The following E2F5 variants were observed in gnomAD, a reference collection of about 807,000 sequenced individuals.
The protein encoded by E2F5 is transcription factor E2F5.
E2F5 carries 23 observed loss-of-function variants against 39.1 expected under a neutral mutation model. The observed-to-expected ratio is 0.59, with a 90% CI of 0.42 to 0.83. The LOEUF is 0.83. Among genes scored for constraint, E2F5 ranks in the 40% least tolerant of loss-of-function variants. The pLI is 0.00. For missense variants in E2F5, 365 were observed against 406.7 expected, an observed-to-expected ratio of 0.90 and a Z score of 0.88; for synonymous variants, 145 against 157.8, an observed-to-expected ratio of 0.92 and a Z score of 0.61.
intron 1 of E2F5, among the ~76,000 whole-genome samples, chr8:85,180,902 G>A (rs567858725): frequency 2.0e-5 from 3 of 151,554 alleles, no homozygotes; most frequent in Admixed American, 1.3e-4. Flanking sequence ...TTTTGAGACA[G>A]GGTCTTATTC....
At chr8:85,193,069 A>C (rs1587488558) in intron 1 of E2F5, among the ~76,000 whole-genome samples, 1 of 152,242 alleles carries the variant, frequency 6.6e-6, no homozygotes, top group Non-Finnish European at 1.5e-5. Flanking sequence ...GGATACATAC[A>C]TGTATACATA....
chr8:85,206,453 G>T (rs1812805060), intron 4 of E2F5, among the ~76,000 whole-genome samples: 1 of 152,186 alleles, frequency 6.6e-6, no homozygotes, highest in African/African-American at 2.4e-5. Context: ...ACTGTGTGTG[G>T]AAGGGGAAGG....
rs755978456 is a variant in E2F5, at chr8:85,203,244, C to T, written c.495C>T (p.Ser165=). The change falls in exon 3 of 8, where the codon TCC becomes TCT. Residue 165 remains serine, a synonymous_variant. Transcript: ENST00000416274. ...GCATCAAAAATGTGATGGACGATTCCATTAATAATAGATATCCTTTTAAAT... is the reference window on the plus strand; with the variant it reads ...GCATCAAAAATGTGATGGACGATTCTATTAATAATAGATATCCTTTTAAAT... ...QQSIKNVMDD[S]INNRFSYVTH... is the part of the protein sequence containing the mutation. The T allele has an allele frequency of 9.2e-5, 146 of 1,592,626 alleles. No homozygotes were observed. In the Admixed American group the frequency reaches 2.5e-3, roughly 28 times the overall value.
chr8:85,180,703 G>T (rs1220864258), intron 1 of E2F5, among the ~76,000 whole-genome samples: 4 of 136,384 alleles, frequency 2.9e-5, no homozygotes, highest in Non-Finnish European at 6.2e-5. Context: ...TCAGCCTCCC[G>T]AGTAGCTGGG....
chr8:85,201,317 T>C (rs1472862589), intron 1 of E2F5, among the ~76,000 whole-genome samples: 1 of 152,202 alleles, frequency 6.6e-6, no homozygotes, highest in African/African-American at 2.4e-5. Context: ...GACACAAATA[T>C]TTGTAACTAC....
Position 85,203,212 on chromosome 8 carries a change from C to G in E2F5, c.463C>G (p.Gln155Glu). The G allele has an allele frequency of 6.2e-7, 1 of 1,602,624 alleles. No individual in the cohort carries two copies. Among genetic ancestry groups the G allele is most frequent in the Non-Finnish European group, 8.5e-7 (1 of 1,174,478 alleles). ...ACTTGATCAGCAGAAGTTGTGGCTACAGCAAAGCATCAAAAATGTGATGGA... is the reference window on the plus strand; with the variant it reads ...ACTTGATCAGCAGAAGTTGTGGCTAGAGCAAAGCATCAAAAATGTGATGGA... Reference protein sequence around the residue: ...RELDQQKLWLQQSIKNVMDDS... With the variant: ...RELDQQKLWLEQSIKNVMDDS... The change falls in exon 3 of 8, where the codon CAG becomes GAG. Residue 155 changes from glutamine (Q) to glutamate (E), a missense_variant. By Grantham distance (29) the Gln-to-Glu change is conservative. Transcript: ENST00000416274.
chr8:85,184,282 A>G (rs1182575383), intron 1 of E2F5, among the ~76,000 whole-genome samples: 1 of 152,224 alleles, frequency 6.6e-6, no homozygotes, highest in Non-Finnish European at 1.5e-5. Flanking sequence ...GATTATCTCA[A>G]TAGATGCAAA....
At chr8:85,192,778 C>A (rs1020795290) in intron 1 of E2F5, among the ~76,000 whole-genome samples, 2 of 152,228 alleles carry the variant, frequency 1.3e-5, no homozygotes, top group Non-Finnish European at 2.9e-5. Context: ...AGTCCAGTAG[C>A]AGCATATGAT....
intron 1 of E2F5, among the ~76,000 whole-genome samples, chr8:85,181,585 C>T (rs1464670215): frequency 6.7e-6 from 1 of 148,922 alleles, no homozygotes; most frequent in African/African-American, 2.4e-5. Context: ...GTGATCCTCC[C>T]ACCTCGGCCT....
chr8:85,177,967 T>G (rs1587476851), intron 1 of E2F5: 1 of 178,874 alleles, frequency 5.6e-6, no homozygotes, highest in Non-Finnish European at 1.1e-5. Flanking sequence ...GACCTGAGGG[T>G]AACCGAGTGT....
chr8:85,210,755 G>A (rs1812900093), intron 6 of E2F5, among the ~76,000 whole-genome samples: 1 of 151,916 alleles, frequency 6.6e-6, no homozygotes, highest in Non-Finnish European at 1.5e-5. Context: ...CTTTACATGG[G>A]TTTTACCTGG....
chr8:85,210,290 A>G (rs4150964), intron 6 of E2F5, among the ~76,000 whole-genome samples: 95,092 of 152,136 alleles, frequency 0.63, 30,370 homozygotes, highest in Non-Finnish European at 0.67. Context: ...ATAACTGGAC[A>G]TGGAATGTTT....
chr8:85,207,425 G>C lies in E2F5; in HGVS notation c.551G>C (p.Gly184Ala). 1.3e-6 allele frequency: 2 copies of C among 1,555,362 alleles called. No homozygotes were observed. Among genetic ancestry groups the C allele is most frequent in the Non-Finnish European group, 1.7e-6 (2 of 1,148,820 alleles). Residue 184 changes from glycine (G) to alanine (A), a missense_variant and splice_region_variant, in exon 5 of 8, where the codon GGT (glycine) becomes GCT (alanine). Coordinates refer to ENST00000416274, the MANE Select transcript of E2F5 (RefSeq NM_001951.4). ...THEDICNCFNGDTLLAIQAPS... is the reference protein window; with the variant it reads ...THEDICNCFNADTLLAIQAPS... ...ACTTTTTATATTTATTTTTGACCAG[G>C]TGATACACTTTTGGCCATTCAGGCA...
At chr8:85,208,210 C>T (rs998844381) in intron 5 of E2F5, among the ~76,000 whole-genome samples, 1 of 152,148 alleles carries the variant, frequency 6.6e-6, no homozygotes, top group African/African-American at 2.4e-5. Flanking sequence ...TGCCTGTAAT[C>T]CCAGCTACTT....
At chr8:85,201,335 C>A (rs1812695223) in intron 1 of E2F5, among the ~76,000 whole-genome samples, 1 of 152,220 alleles carries the variant, frequency 6.6e-6, no homozygotes, top group Non-Finnish European at 1.5e-5. Flanking sequence ...TACCATGGAT[C>A]TTAAAATGTG....
In E2F5 at chr8:85,206,264, A is replaced by G. The variant is rs998393183; in HGVS notation, c.550+44A>G. On this transcript the variant is annotated intron_variant, in intron 4 of 7. Transcript: ENST00000416274. Reference sequence around the variant, plus strand: ...TTCCTTGCATTCTTCCTCTCAACCTATTTAGTGGAGGGTGATTCAGAATTC... The same window carrying G: ...TTCCTTGCATTCTTCCTCTCAACCTGTTTAGTGGAGGGTGATTCAGAATTC... 3.2e-6 allele frequency: 5 copies of G among 1,568,436 alleles called. No homozygotes were observed. The Middle Eastern group carries it at 5.0e-4, about 158-fold the overall frequency.
chr8:85,198,149 G>T (rs1001711195), intron 1 of E2F5, among the ~76,000 whole-genome samples: 1 of 152,060 alleles, frequency 6.6e-6, no homozygotes, highest in Non-Finnish European at 1.5e-5. Context: ...TACTCTGCTG[G>T]ACTTCAGTTA....
intron 5 of E2F5, among the ~76,000 whole-genome samples, chr8:85,208,839 T>A (rs1482467196): frequency 1.3e-5 from 2 of 152,174 alleles, no homozygotes; most frequent in Non-Finnish European, 2.9e-5. Flanking sequence ...ACCTGGAGCA[T>A]TGCTGGGCCC....
At chr8:85,205,172 A>G (rs919797403) in intron 3 of E2F5, among the ~76,000 whole-genome samples, 8 of 151,974 alleles carry the variant, frequency 5.3e-5, no homozygotes, top group Admixed American at 2.6e-4. Context: ...GATAGAGCAA[A>G]CTCCGTCTCA....
Sources: gnomAD v4.1 joint callset for allele counts (sites outside exome capture counted in the v4.1 genomes callset) on GRCh38, gnomAD v4.1.1 for gene constraint, MANE v1.5 for transcripts, NCBI Gene and HGNC (gene_info 2026-07-23, HGNC 2026-07-21) for gene names.